ZNF512: variants seen among roughly 807,000 people sequenced by gnomAD.
The protein encoded by ZNF512 is zinc finger protein 512.
Under a neutral mutation model 77.5 loss-of-function variants are expected in ZNF512, and 25 were observed. The observed-to-expected ratio is 0.32, with a 90% CI of 0.23 to 0.45. ZNF512 has a LOEUF of 0.45. Ranked by LOEUF, ZNF512 falls within the 20% of genes least tolerant of loss-of-function variation. ZNF512 has a pLI of 1.00. For missense variants in ZNF512, 483 were observed against 692.6 expected (o/e 0.70, Z 3.40); for synonymous variants, 246 against 239.9 (o/e 1.03, Z -0.24).
intron 13 of ZNF512, among the ~76,000 whole-genome samples, chr2:27,619,342 G>A (rs775197800): frequency 6.6e-6 from 1 of 152,034 alleles, no homozygotes; most frequent in Non-Finnish European, 1.5e-5. Flanking sequence ...GACGGAGGTT[G>A]CAGTGAGCCG....
At chr2:27,597,974 G>A in intron 2 of ZNF512, 93 bp from the exon 3 acceptor site, 1 of 1,014,980 alleles carries the variant, frequency 9.9e-7, no homozygotes, top group South Asian at 2.1e-5. Flanking sequence ...TTAGTTTTCT[G>A]CAGAGGTAAC....
chr2:27,596,963 T>C (rs1236171634), intron 2 of ZNF512, among the ~76,000 whole-genome samples: 3 of 152,276 alleles, frequency 2.0e-5, no homozygotes, highest in Non-Finnish European at 2.9e-5. Flanking sequence ...TTTAGCTTGC[T>C]GAACTGACAT....
chr2:27,593,877 G>A (rs532623928), intron 2 of ZNF512, among the ~76,000 whole-genome samples: 2 of 151,902 alleles, frequency 1.3e-5, no homozygotes, highest in Admixed American at 1.3e-4. Context: ...AGCATCCCAA[G>A]GCAGAAGAAT....
chr2:27,621,267 C>T lies in ZNF512; in HGVS notation c.1510C>T (p.Leu504=), dbSNP rs761951730. ...RRQQHRSRRS[L]RRRQQPGIEL... ...GCAGCAGCACAGGAGCAGAAGGTCT[C>T]TAAGAAGGCGGCAGCAGCCTGGCAT... is the stretch of plus-strand genomic sequence containing the variant. Residue 504 remains leucine (L), a synonymous_variant, in exon 14 of 14, where the codon CTA becomes TTA. Transcript: ENST00000355467. The T allele has an allele frequency of 1.9e-6, 3 of 1,614,172 alleles. No homozygotes were observed. The highest frequency in any genetic ancestry group is 2.5e-6 in the Non-Finnish European group (3 of 1,180,032).
At chr2:27,615,044 T>G in intron 10 of ZNF512, 124 bp from the exon 11 acceptor site, 1 of 591,530 alleles carries the variant, frequency 1.7e-6, no homozygotes, top group South Asian at 2.4e-5. Flanking sequence ...TATCTTACAG[T>G]TTTTTTGTGT....
chr2:27,613,363 G>T (rs151066764), intron 10 of ZNF512, among the ~76,000 whole-genome samples: 1,842 of 152,066 alleles, frequency 0.012, 39 homozygotes, highest in African/African-American at 0.042. Flanking sequence ...GGGCATGGTG[G>T]CGCACACCTG....
At chr2:27,608,549 A>G (rs1369404829) in intron 10 of ZNF512, among the ~76,000 whole-genome samples, 3 of 152,042 alleles carry the variant, frequency 2.0e-5, no homozygotes, top group Non-Finnish European at 4.4e-5. Flanking sequence ...GTTCCCCTAC[A>G]CGGCCCCAAG....
chr2:27,615,364 C>T lies in ZNF512; in HGVS notation c.1233+95C>T, dbSNP rs1175708710. 4 of 742,548 alleles carry T rather than the reference C, an allele frequency of 5.4e-6. No homozygotes were observed. In the East Asian group the frequency reaches 1.2e-4, roughly 21 times the overall value. 46.0% of individuals were successfully genotyped at this position (742,548 alleles called of 1,614,324 possible). A position where few individuals can be genotyped will look rare whatever the true frequency, so the allele number is the denominator to read the frequency against. ...CCTTCATGACAAAGTACCTGAACCTCAGTGGCTTAAAACAATTATTTTATT... is the reference window on the plus strand; with the variant it reads ...CCTTCATGACAAAGTACCTGAACCTTAGTGGCTTAAAACAATTATTTTATT... On this transcript the variant is annotated intron_variant, in intron 11 of 13. Transcript: ENST00000355467.
At chr2:27,613,886 TATC>T (rs1281069963) in intron 10 of ZNF512, among the ~76,000 whole-genome samples, 1 of 152,124 alleles carries the variant, frequency 6.6e-6, no homozygotes, top group Non-Finnish European at 1.5e-5. Context: ...AGTTTATTAC[TATC>T]ATATTTATGA....
At chr2:27,615,085 C>A in intron 10 of ZNF512, 83 bp from the exon 11 acceptor site, 1 of 787,682 alleles carries the variant, frequency 1.3e-6, no homozygotes. Context: ...ATTATATAAC[C>A]TAAAGAGTTG....
intron 2 of ZNF512, among the ~76,000 whole-genome samples, chr2:27,595,118 G>C (rs1221329054): frequency 6.6e-6 from 1 of 152,168 alleles, no homozygotes; most frequent in East Asian, 1.9e-4. Context: ...AACAGAGGGA[G>C]ACCGAAGAAG....
chr2:27,590,872 G>T (rs1671538271), intron 2 of ZNF512, among the ~76,000 whole-genome samples: 1 of 151,898 alleles, frequency 6.6e-6, no homozygotes. Flanking sequence ...TTTCTCTCTG[G>T]TATTATTTTT....
At chr2:27,611,946 A>G (rs1395005118) in intron 10 of ZNF512, among the ~76,000 whole-genome samples, 1 of 151,932 alleles carries the variant, frequency 6.6e-6, no homozygotes, top group Non-Finnish European at 1.5e-5. Flanking sequence ...TCCACCCCCT[A>G]GAGTGCTGGG....
At chr2:27,593,748 A>G (rs758958770) in intron 2 of ZNF512, among the ~76,000 whole-genome samples, 5 of 149,964 alleles carry the variant, frequency 3.3e-5, no homozygotes. Flanking sequence ...TTTTTTTCAA[A>G]TGTATTTTTC....
chr2:27,596,343 A>G (rs1009212372), intron 2 of ZNF512, among the ~76,000 whole-genome samples: 3 of 152,198 alleles, frequency 2.0e-5, no homozygotes, highest in African/African-American at 7.2e-5. Context: ...ATTCATGGCT[A>G]AGGTTAAGTT....
At chr2:27,593,608 CTG>C in intron 2 of ZNF512, among the ~76,000 whole-genome samples, 1 of 152,090 alleles carries the variant, frequency 6.6e-6, no homozygotes, top group East Asian at 1.9e-4. Context: ...CAGAACAAGA[CTG>C]TGTTTCAAAA....
intron 2 of ZNF512, among the ~76,000 whole-genome samples, chr2:27,592,411 A>G (rs6738089): frequency 0.57 from 85,794 of 151,384 alleles, 25,113 homozygotes; most frequent in East Asian, 0.84. Context: ...CACCTCCCAG[A>G]TTCAAGTGAT....
chr2:27,610,261 G>A (rs1672554145), intron 10 of ZNF512, among the ~76,000 whole-genome samples: 1 of 149,712 alleles, frequency 6.7e-6, no homozygotes, highest in African/African-American at 2.5e-5. Flanking sequence ...CTACTTGGGA[G>A]GCTGAGGCAG....
At position 27,612,012 on chromosome 2, in the gene ZNF512, T is replaced by G. The variant is rs543629117; in HGVS notation, c.1132-3156T>G. 8.5e-5 allele frequency among the ~76,000 whole-genome samples: 13 copies of G among 152,276 alleles called. No homozygotes were observed. In the South Asian group the frequency reaches 2.7e-3, roughly 32 times the overall value. ...CCTGTAACAGTTATGCCTGTGATGT[T>G]TACATAATGATTTTCAGTTTCCATC... On this transcript the variant is annotated intron_variant, in intron 10 of 13. Coordinates refer to ENST00000355467, the MANE Select transcript of ZNF512 (RefSeq NM_032434.4).
Sources: allele counts gnomAD v4.1 joint callset (sites outside exome capture counted in the v4.1 genomes callset), GRCh38; gene constraint gnomAD v4.1.1; transcripts MANE v1.5; gene names NCBI Gene and HGNC (gene_info 2026-07-23, HGNC 2026-07-21).